Variants in ZDHHC14 observed in about 807,000 individuals in gnomAD.
The protein encoded by ZDHHC14 is zDHHC palmitoyltransferase 14, also known as palmitoyltransferase ZDHHC14.
Under a neutral mutation model 47.7 loss-of-function variants are expected in ZDHHC14, and 16 were observed. The observed-to-expected ratio is 0.34, with a 90% CI of 0.23 to 0.51. The LOEUF (loss-of-function observed/expected upper bound fraction) is 0.51, where lower values mean the gene tolerates loss of function less well. Among genes scored for constraint, ZDHHC14 ranks in the 20% least tolerant of loss-of-function variants. The probability of loss-of-function intolerance (pLI) is 0.97; values close to 1 mark genes in which losing one functional copy is unlikely to be tolerated. For missense variants in ZDHHC14, 515 were observed against 662.5 expected (o/e 0.78, Z 2.44); for synonymous variants, 293 against 278.9 (o/e 1.05, Z -0.50).
chr6:157,405,938 T>C (rs1199772243), intron 1 of ZDHHC14, among the ~76,000 whole-genome samples: 1 of 152,214 alleles, frequency 6.6e-6, no homozygotes, highest in Non-Finnish European at 1.5e-5. Flanking sequence ...TCTGGATGGT[T>C]ATTCCCCATC....
At chr6:157,643,650 A>AAT (rs3056787) in intron 5 of ZDHHC14, among the ~76,000 whole-genome samples, 12,650 of 72,416 alleles carry the variant, frequency 0.17, 2,572 homozygotes, top group Non-Finnish European at 0.23. Flanking sequence ...CTTCATCTCA[A>AAT]ATATATATAT....
At chr6:157,660,101 A>C (rs1778280581) in intron 8 of ZDHHC14, among the ~76,000 whole-genome samples, 1 of 152,116 alleles carries the variant, frequency 6.6e-6, no homozygotes, top group Non-Finnish European at 1.5e-5. Flanking sequence ...CAAAGGATGA[A>C]ACTGAGACTT....
Position 157,516,718 on chromosome 6 carries a change from G to A in ZDHHC14, c.246-25867G>A, listed in dbSNP as rs149105524. On this transcript the variant is annotated intron_variant, in intron 1 of 8. Transcript: ENST00000359775. ...GGAGAAAGAAGGTCAAGTCTGCGCT[G>A]CAATAAAGCAAGAGACTTGAAGGGC... Among the ~76,000 whole-genome samples, 398 of 152,358 alleles carry A rather than the reference G, an allele frequency of 2.6e-3. 4 individuals are homozygous for A. The highest frequency in any genetic ancestry group is 4.6e-3 in the Non-Finnish European group (314 of 68,030).
intron 5 of ZDHHC14, among the ~76,000 whole-genome samples, chr6:157,644,866 C>T (rs1777445311): frequency 6.6e-6 from 1 of 152,180 alleles, no homozygotes; most frequent in Admixed American, 6.5e-5. Context: ...ATGTTATAAA[C>T]ATTTGTGGGA....
At chr6:157,632,392 T>C (rs1288199849) in intron 4 of ZDHHC14, 1 of 168,352 alleles carries the variant, frequency 5.9e-6, no homozygotes, top group African/African-American at 2.4e-5. Context: ...AAATTTCAGC[T>C]TTATGACTTT....
intron 1 of ZDHHC14, among the ~76,000 whole-genome samples, chr6:157,392,973 G>A (rs1036739648): frequency 3.9e-5 from 6 of 151,950 alleles, no homozygotes; most frequent in Admixed American, 6.6e-5. Context: ...TCTGCCTCCC[G>A]TGTTCAAGCA....
intron 1 of ZDHHC14, among the ~76,000 whole-genome samples, chr6:157,494,001 T>C (rs753577916): frequency 2.6e-5 from 4 of 152,242 alleles, no homozygotes; most frequent in Non-Finnish European, 5.9e-5. Flanking sequence ...TGGGGCTTTA[T>C]GTGGCTTGGG....
intron 1 of ZDHHC14, among the ~76,000 whole-genome samples, chr6:157,511,127 G>C (rs1046436095): frequency 7.2e-5 from 11 of 152,206 alleles, no homozygotes; most frequent in Middle Eastern, 6.8e-3. Flanking sequence ...GGCTCTTTTT[G>C]TGTGGGTTCC....
At chr6:157,514,430 C>T (rs1780605277) in intron 1 of ZDHHC14, among the ~76,000 whole-genome samples, 1 of 152,166 alleles carries the variant, frequency 6.6e-6, no homozygotes, top group East Asian at 1.9e-4. Context: ...CAGGTGGCTG[C>T]CAGGGTTGGG....
intron 7 of ZDHHC14, 77 bp downstream of exon 7, chr6:157,647,445 G>A (rs1187003717): frequency 3.1e-5 from 37 of 1,196,678 alleles, no homozygotes; most frequent in African/African-American, 6.1e-5. Context: ...CAGGCCGCCC[G>A]CCCTGGTGGA....
intron 4 of ZDHHC14, chr6:157,630,825 A>T (rs988536477): frequency 2.5e-5 from 3 of 121,616 alleles, no homozygotes; most frequent in Non-Finnish European, 5.3e-5. Context: ...GGACACCCAC[A>T]CTCACTCTAG....
Position 157,645,651 on chromosome 6 carries a change from C to T in ZDHHC14, c.753-86C>T. On this transcript the variant is annotated intron_variant, in intron 5 of 8. Coordinates refer to ENST00000359775, the MANE Select transcript of ZDHHC14 (RefSeq NM_024630.3). The stretch of plus-strand genomic sequence containing the variant: ...GCCAGCAACTAGAGAGAGGCCTGTG[C>T]CCGGGGGTGTTTCGGTTCCAGGCCT... 4 of 1,022,540 alleles carry T rather than the reference C, an allele frequency of 3.9e-6. No homozygotes were observed. In the East Asian group the frequency reaches 7.7e-5, roughly 20 times the overall value. The allele number at this position is 1,022,540 out of a possible 1,614,324, so 63.3% of individuals were successfully genotyped here.
chr6:157,591,236 T>C (rs989970415), intron 2 of ZDHHC14, among the ~76,000 whole-genome samples: 1 of 152,206 alleles, frequency 6.6e-6, no homozygotes, highest in East Asian at 1.9e-4. Context: ...TGTTTTAAAA[T>C]GTGAGGACAT....
rs143866665 is a variant in ZDHHC14 at position 157,490,422 on chromosome 6, A to C, written c.246-52163A>C. ...GCCACCGGGTCAGCAGGCAATGAAGAAGCGCAGATGTGATCCTTGGCCTTG... is the reference window on the plus strand; with the variant it reads ...GCCACCGGGTCAGCAGGCAATGAAGCAGCGCAGATGTGATCCTTGGCCTTG... On this transcript the variant is annotated intron_variant, in intron 1 of 8. Transcript: ENST00000359775. Among the ~76,000 whole-genome samples, 8 of 152,356 alleles carry C rather than the reference A, an allele frequency of 5.3e-5. No individual in the cohort carries two copies. In the East Asian group the frequency reaches 1.5e-3, roughly 29 times the overall value.
chr6:157,626,890 T>TGGGGGGGG (rs113464326), intron 3 of ZDHHC14, among the ~76,000 whole-genome samples: 4 of 135,330 alleles, frequency 3.0e-5, no homozygotes, highest in Non-Finnish European at 6.5e-5. Flanking sequence ...CTTTTCCAGC[T>TGGGGGGGG]GGGGGGGGGG....
intron 8 of ZDHHC14, among the ~76,000 whole-genome samples, chr6:157,670,130 C>G (rs1049450995): frequency 6.6e-6 from 1 of 152,160 alleles, no homozygotes; most frequent in Non-Finnish European, 1.5e-5. Context: ...TAGCCCCCAC[C>G]GGAAGGGACC....
At chr6:157,478,141 C>A (rs1222419746) in intron 1 of ZDHHC14, among the ~76,000 whole-genome samples, 2 of 152,198 alleles carry the variant, frequency 1.3e-5, no homozygotes, top group Non-Finnish European at 2.9e-5. Context: ...AAGACCACGT[C>A]ATTGGCAAAC....
chr6:157,400,440 A>C (rs1006604332), intron 1 of ZDHHC14, among the ~76,000 whole-genome samples: 2 of 152,226 alleles, frequency 1.3e-5, no homozygotes, highest in African/African-American at 4.8e-5. Flanking sequence ...TACATCCAGC[A>C]GCACATCATG....
chr6:157,382,329 T>C, intron 1 of ZDHHC14, 63 bp downstream of exon 1: 2 of 1,563,748 alleles, frequency 1.3e-6, no homozygotes, highest in South Asian at 1.2e-5. Context: ...CCCCCGCCCC[T>C]CCTCGGGCTG....
Sources: gnomAD v4.1 joint callset for allele counts (sites outside exome capture counted in the v4.1 genomes callset) on GRCh38, gnomAD v4.1.1 for gene constraint, MANE v1.5 for transcripts, NCBI Gene and HGNC (gene_info 2026-07-23, HGNC 2026-07-21) for gene names.